The following CLPB variants were observed in gnomAD, a reference collection of about 807,000 sequenced individuals.
CLPB encodes ClpB family mitochondrial disaggregase, also known as mitochondrial disaggregase.
In CLPB, 40 loss-of-function variants were observed where a neutral mutation model predicts 78.4. The observed-to-expected ratio is 0.51, with a 90% CI of 0.40 to 0.66. The LOEUF is 0.66. CLPB is among the 30% of genes least tolerant of loss of function. CLPB has a pLI of 0.00. For missense variants in CLPB, 780 were observed against 886.9 expected, an observed-to-expected ratio of 0.88 and a Z score of 1.53; for synonymous variants, 333 against 348.0, an observed-to-expected ratio of 0.96 and a Z score of 0.48.
rs1413007403 is a variant in CLPB, at chr11:72,286,648, G to A, written c.*6719C>T. On this transcript the variant is annotated 3_prime_UTR_variant, in exon 16 of 16. Transcript: ENST00000538039. The stretch of plus-strand genomic sequence containing the variant: ...GTGCCACTATGTCCGGCTAATTTTT[G>A]TACTTTAATAAAGAGGGGTTTCACC... The A allele has an allele frequency of 1.3e-5, 2 of 152,020 alleles. No homozygotes were observed. The highest frequency in any genetic ancestry group is 2.9e-5 in the Non-Finnish European group (2 of 68,006). The allele number at this position is 152,020 out of a possible 1,614,324, so 9.4% of individuals were successfully genotyped here. A position where few individuals can be genotyped will look rare whatever the true frequency, so the allele number is the denominator to read the frequency against.
At chr11:72,385,518 T>C (rs542958329) in intron 3 of CLPB, among the ~76,000 whole-genome samples, 1 of 152,362 alleles carries the variant, frequency 6.6e-6, no homozygotes, top group Admixed American at 6.5e-5. Flanking sequence ...CCATGTATTA[T>C]ATGTCTATTA....
At chr11:72,415,198 G>A (rs1479207733) in intron 2 of CLPB, among the ~76,000 whole-genome samples, 1 of 152,146 alleles carries the variant, frequency 6.6e-6, no homozygotes, top group Admixed American at 6.5e-5. Flanking sequence ...CCTGGCGACA[G>A]AGTGAGACTC....
chr11:72,318,408 C>G (rs1949988040), intron 6 of CLPB, among the ~76,000 whole-genome samples: 1 of 151,992 alleles, frequency 6.6e-6, no homozygotes, highest in Admixed American at 6.6e-5. Flanking sequence ...GGGGTGAGGG[C>G]AGGGACCTGA....
intron 2 of CLPB, among the ~76,000 whole-genome samples, chr11:72,409,891 C>T (rs899375322): frequency 2.6e-5 from 4 of 151,986 alleles, no homozygotes; most frequent in East Asian, 3.9e-4. Flanking sequence ...GCAGGAGAAT[C>T]GCTTGAACCC....
At chr11:72,371,261 G>A (rs1004293766) in intron 4 of CLPB, among the ~76,000 whole-genome samples, 2 of 152,046 alleles carry the variant, frequency 1.3e-5, no homozygotes, top group Non-Finnish European at 2.9e-5. Context: ...GCAGGGCGTG[G>A]TGGCTCATTA....
chr11:72,363,224 A>G (rs1186299691), intron 4 of CLPB, among the ~76,000 whole-genome samples: 1 of 151,790 alleles, frequency 6.6e-6, no homozygotes, highest in Non-Finnish European at 1.5e-5. Context: ...GGAGGGAAGG[A>G]GGGAGGGCAC....
At chr11:72,345,364 C>T (rs1245375507) in intron 5 of CLPB, among the ~76,000 whole-genome samples, 2 of 152,136 alleles carry the variant, frequency 1.3e-5, no homozygotes, top group Admixed American at 1.3e-4. Context: ...TATGAATTTA[C>T]ATGAAGTGAT....
chr11:72,419,732 T>G (rs1171782975), intron 2 of CLPB, among the ~76,000 whole-genome samples: 1 of 152,210 alleles, frequency 6.6e-6, no homozygotes, highest in African/African-American at 2.4e-5. Flanking sequence ...TCCTTATCCT[T>G]CAATTCCAAG....
chr11:72,316,647 G>A (rs1949947870), intron 7 of CLPB, among the ~76,000 whole-genome samples: 1 of 152,184 alleles, frequency 6.6e-6, no homozygotes, highest in Non-Finnish European at 1.5e-5. Flanking sequence ...TAGGCCAGCT[G>A]CTGACAAACT....
intron 3 of CLPB, among the ~76,000 whole-genome samples, chr11:72,384,333 A>G (rs571351586): frequency 1.1e-4 from 16 of 152,358 alleles, no homozygotes; most frequent in African/African-American, 3.8e-4. Context: ...GGGATATATA[A>G]TACAAAAATA....
chr11:72,362,271 A>T (rs1950854430), intron 4 of CLPB, among the ~76,000 whole-genome samples: 1 of 152,180 alleles, frequency 6.6e-6, no homozygotes, highest in African/African-American at 2.4e-5. Flanking sequence ...CTAGCACCTT[A>T]GGCATCTCCC....
intron 2 of CLPB, among the ~76,000 whole-genome samples, chr11:72,419,585 C>T (rs189160747): frequency 7.2e-5 from 11 of 152,204 alleles, no homozygotes; most frequent in Admixed American, 2.0e-4. Context: ...CTCCTGGCAC[C>T]TTCCTCTAGC....
chr11:72,414,872 T>C (rs1426691281), intron 2 of CLPB, among the ~76,000 whole-genome samples: 1 of 152,130 alleles, frequency 6.6e-6, no homozygotes. Context: ...ATGATCTCAT[T>C]TGATCCTCTG....
chr11:72,342,929 C>G (rs545652243), intron 5 of CLPB, among the ~76,000 whole-genome samples: 8 of 152,344 alleles, frequency 5.3e-5, no homozygotes, highest in African/African-American at 1.9e-4. Context: ...ACAATGCCCA[C>G]ACATCTGGCT....
At chr11:72,370,692 T>C (rs1030541378) in intron 4 of CLPB, among the ~76,000 whole-genome samples, 3 of 152,202 alleles carry the variant, frequency 2.0e-5, no homozygotes, top group Non-Finnish European at 2.9e-5. Context: ...CTGCTGGCAT[T>C]TGACATCCTC....
At chr11:72,333,536 T>C (rs1054509785) in intron 5 of CLPB, among the ~76,000 whole-genome samples, 3 of 152,206 alleles carry the variant, frequency 2.0e-5, no homozygotes, top group African/African-American at 7.2e-5. Flanking sequence ...CTTGTGACCA[T>C]TTCTTCTGTT....
rs187619289 is a variant in CLPB, at chr11:72,417,530, G to A, written c.455+12782C>T. On this transcript the variant is annotated intron_variant, in intron 2 of 15. Coordinates refer to ENST00000538039, the MANE Select transcript of CLPB (RefSeq NM_001258392.3). ...AGAACATTCTGGAATTAGTGGTGCT[G>A]GTTGCACAATCTTATAAATGTTCTA... Among the ~76,000 whole-genome samples the A allele has an allele frequency of 3.4e-3, 518 of 152,174 alleles. 2 individuals are homozygous for A. The highest frequency in any genetic ancestry group is 0.012 in the African/African-American group (499 of 41,518).
rs560979674 is a variant in CLPB at position 72,291,065 on chromosome 11, T to C, written c.*2302A>G. 4 of 152,204 alleles carry C rather than the reference T, an allele frequency of 2.6e-5. No individual in the cohort carries two copies. Among genetic ancestry groups the C allele is most frequent in the African/African-American group, 9.6e-5 (4 of 41,488 alleles). 9.4% of individuals were successfully genotyped at this position (152,204 alleles called of 1,614,324 possible). The stretch of plus-strand genomic sequence containing the variant: ...AAAATGCAGATCCTCAATCATATCA[T>C]GTAAAAACATTAAACAAACTAAAAC... On this transcript the variant is annotated 3_prime_UTR_variant, in exon 16 of 16. Coordinates refer to ENST00000538039, the MANE Select transcript of CLPB (RefSeq NM_001258392.3).
chr11:72,404,886 G>A (rs1855661774), intron 2 of CLPB, among the ~76,000 whole-genome samples: 2 of 152,164 alleles, frequency 1.3e-5, no homozygotes, highest in Non-Finnish European at 2.9e-5. Flanking sequence ...TATACATAAT[G>A]TTACACTTCT....
Sources: gnomAD v4.1 joint callset for allele counts (sites outside exome capture counted in the v4.1 genomes callset) on GRCh38, gnomAD v4.1.1 for gene constraint, MANE v1.5 for transcripts, NCBI Gene and HGNC (gene_info 2026-07-23, HGNC 2026-07-21) for gene names.